Variants in DTNB observed in about 807,000 individuals in gnomAD.
DTNB encodes the protein DTN-B.
A neutral mutation model predicts 90.7 loss-of-function variants in DTNB; 63 were observed. The observed-to-expected ratio is 0.69, with a 90% CI of 0.57 to 0.86. DTNB has a LOEUF of 0.86. DTNB is among the 40% of genes least tolerant of loss of function. The pLI is 0.00. For synonymous variants in DTNB, 277 were observed against 286.7 expected (o/e 0.97, Z 0.34); for missense variants, 744 against 807.1 (o/e 0.92, Z 0.95).
At chr2:25,621,736 C>T (rs1485822832) in intron 4 of DTNB, among the ~76,000 whole-genome samples, 1 of 150,898 alleles carries the variant, frequency 6.6e-6, no homozygotes, top group Non-Finnish European at 1.5e-5. Context: ...GGATTACAGG[C>T]ATGAGCCACT....
intron 10 of DTNB, among the ~76,000 whole-genome samples, chr2:25,458,706 G>A (rs1321082811): frequency 6.6e-6 from 1 of 152,096 alleles, no homozygotes; most frequent in Non-Finnish European, 1.5e-5. Flanking sequence ...GTGCAGTGGT[G>A]CAATCTCTGT....
In DTNB at chr2:25,637,609, T is replaced by C. The variant is rs972235406; in HGVS notation, c.148+1405A>G. Among the ~76,000 whole-genome samples the C allele has an allele frequency of 6.6e-5, 10 of 152,202 alleles. No individual in the cohort carries two copies. In the South Asian group the frequency reaches 1.2e-3, roughly 19 times the overall value. ...TGCAGCCAACAGACACATGAAAAAA[T>C]GCTCATCATCACTGGCCATGAGAGA... On this transcript the variant is annotated intron_variant, in intron 3 of 20. Coordinates refer to ENST00000406818, the MANE Select transcript of DTNB (RefSeq NM_021907.5).
chr2:25,498,085 T>C (rs2069421796), intron 9 of DTNB, among the ~76,000 whole-genome samples: 2 of 152,112 alleles, frequency 1.3e-5, no homozygotes, highest in Non-Finnish European at 2.9e-5. Flanking sequence ...GGCCTCCTCA[T>C]TGTCACCACT....
At chr2:25,386,208 T>C in intron 18 of DTNB, 1 of 745,430 alleles carries the variant, frequency 1.3e-6, no homozygotes. Context: ...CACTTTGGTC[T>C]GTATGAAAAC....
intron 5 of DTNB, among the ~76,000 whole-genome samples, chr2:25,604,340 A>G (rs540352679): frequency 5.3e-5 from 8 of 152,144 alleles, no homozygotes; most frequent in Non-Finnish European, 1.0e-4. Context: ...GAAAATGTTA[A>G]AAGTATAATC....
intron 4 of DTNB, among the ~76,000 whole-genome samples, chr2:25,613,554 T>C (rs1381389929): frequency 2.0e-5 from 3 of 152,094 alleles, no homozygotes; most frequent in Non-Finnish European, 4.4e-5. Flanking sequence ...GCCAGCATTA[T>C]TCTGACACTA....
At chr2:25,597,715 G>A (rs2064932677) in intron 5 of DTNB, among the ~76,000 whole-genome samples, 1 of 152,174 alleles carries the variant, frequency 6.6e-6, no homozygotes, top group South Asian at 2.1e-4. Context: ...CTAGTAGAAA[G>A]TAAAATAAAT....
intron 7 of DTNB, among the ~76,000 whole-genome samples, chr2:25,579,902 T>C (rs775601226): frequency 6.6e-6 from 1 of 150,620 alleles, no homozygotes; most frequent in African/African-American, 2.4e-5. Context: ...CAAGAAACAA[T>C]CATCTGGAAT....
intron 9 of DTNB, among the ~76,000 whole-genome samples, chr2:25,489,662 AAAG>A (rs757621179): frequency 5.3e-5 from 8 of 152,066 alleles, no homozygotes; most frequent in Non-Finnish European, 1.0e-4. Flanking sequence ...CTTAAAGAAA[AAAG>A]AAGAGTTAAA....
chr2:25,431,652 T>G (rs2053891684), intron 14 of DTNB, among the ~76,000 whole-genome samples: 1 of 152,220 alleles, frequency 6.6e-6, no homozygotes, highest in East Asian at 1.9e-4. Context: ...CTGAGCACTT[T>G]CAGCAATCCA....
chr2:25,452,719 A>G (rs1222895022), intron 11 of DTNB, among the ~76,000 whole-genome samples: 3 of 152,038 alleles, frequency 2.0e-5, no homozygotes, highest in African/African-American at 7.2e-5. Flanking sequence ...CATGTGTAGA[A>G]TCAACTATAT....
intron 18 of DTNB, among the ~76,000 whole-genome samples, chr2:25,385,747 T>A (rs1345276484): frequency 6.6e-6 from 1 of 152,216 alleles, no homozygotes; most frequent in Non-Finnish European, 1.5e-5. Flanking sequence ...GTTGAAACCA[T>A]CCTTTCTTAC....
At chr2:25,384,364 T>C (rs1230514563) in intron 18 of DTNB, among the ~76,000 whole-genome samples, 2 of 152,086 alleles carry the variant, frequency 1.3e-5, no homozygotes, top group Non-Finnish European at 2.9e-5. Flanking sequence ...CAGTGCAAAG[T>C]GGCTATGTGG....
chr2:25,592,060 CAAAAAAAA>C (rs1162292627), intron 6 of DTNB, among the ~76,000 whole-genome samples: 4 of 48,996 alleles, frequency 8.2e-5, no homozygotes, highest in Admixed American at 2.1e-4. Flanking sequence ...GACTCCATCT[CAAAAAAAA>C]AAAAAAAAAA....
intron 12 of DTNB, among the ~76,000 whole-genome samples, chr2:25,447,697 C>T (rs1158563016): frequency 1.3e-5 from 2 of 151,502 alleles, no homozygotes; most frequent in African/African-American, 2.4e-5. Context: ...TTAGTAGAGA[C>T]GGGGTTTCAC....
intron 17 of DTNB, 37 bp downstream of exon 17, chr2:25,388,165 C>A: frequency 6.5e-7 from 1 of 1,546,036 alleles, no homozygotes; most frequent in Non-Finnish European, 8.7e-7. Flanking sequence ...TTGCACATCC[C>A]TTCAGCTCCC....
At chr2:25,460,116 T>C (rs1383929516) in intron 10 of DTNB, among the ~76,000 whole-genome samples, 1 of 152,010 alleles carries the variant, frequency 6.6e-6, no homozygotes, top group Non-Finnish European at 1.5e-5. Context: ...CAAATTTCCA[T>C]GGTGTTTTTG....
chr2:25,453,686 T>C (rs1047555073), intron 11 of DTNB, among the ~76,000 whole-genome samples: 1 of 152,236 alleles, frequency 6.6e-6, no homozygotes, highest in African/African-American at 2.4e-5. Flanking sequence ...GAATTTGTCT[T>C]GCCTAGGGTG....
intron 8 of DTNB, among the ~76,000 whole-genome samples, chr2:25,537,727 G>A (rs1472499260): frequency 6.6e-6 from 1 of 152,186 alleles, no homozygotes; most frequent in African/African-American, 2.4e-5. Flanking sequence ...AAAATGCTGT[G>A]TCATGACAGG....
Sources: gnomAD v4.1 joint callset for allele counts (sites outside exome capture counted in the v4.1 genomes callset) on GRCh38, gnomAD v4.1.1 for gene constraint, MANE v1.5 for transcripts, NCBI Gene and HGNC (gene_info 2026-07-23, HGNC 2026-07-21) for gene names.